The following DNAH3 variants were observed in gnomAD, a reference collection of about 807,000 sequenced individuals.
DNAH3 encodes the protein dynein axonemal heavy chain 3, also known as axonemal beta dynein heavy chain 3.
DNAH3 carries 332 observed loss-of-function variants against 432.5 expected under a neutral mutation model. The observed-to-expected ratio is 0.77, with a 90% confidence interval of 0.70 to 0.84. The LOEUF is 0.84. Ranked by LOEUF, DNAH3 falls within the 40% of genes least tolerant of loss-of-function variation. The pLI is 0.00. For synonymous variants in DNAH3, 1,956 were observed against 1,900.2 expected (o/e 1.03, Z -0.76); for missense variants, 4,861 against 5,114.0 (o/e 0.95, Z 1.51).
chr16:21,007,366 T>A (rs2087359664), intron 41 of DNAH3, among the ~76,000 whole-genome samples: 1 of 151,770 alleles, frequency 6.6e-6, no homozygotes, highest in Non-Finnish European at 1.5e-5. Flanking sequence ...GCACGCACCA[T>A]CATGCTTAGC....
At position 21,069,431 on chromosome 16, in the gene DNAH3, G is replaced by C. The variant is rs781175293; in HGVS notation, c.3365C>G (p.Ser1122Ter). 6.2e-7 allele frequency: 1 copy of C among 1,614,026 alleles called. No homozygotes were observed. Among genetic ancestry groups the C allele is most frequent in the South Asian group, 1.1e-5 (1 of 91,044 alleles). ...AAAACTTACCGCTTGGGACATAAGT[G>C]ATTTCCAGTAACTATCAACAATGCC... The change falls in exon 23 of 62, where the codon TCA becomes TGA. Residue 1122 changes from serine to a stop codon, truncating the protein, a stop_gained. Transcript: ENST00000261383. LOFTEE classifies it high-confidence loss of function.
chr16:21,144,242 A>C (rs2092754711), intron 3 of DNAH3, among the ~76,000 whole-genome samples: 1 of 152,182 alleles, frequency 6.6e-6, no homozygotes, highest in Admixed American at 6.5e-5. Context: ...AGTGACTCCT[A>C]ACAAATAGAA....
intron 52 of DNAH3, among the ~76,000 whole-genome samples, chr16:20,965,749 G>A (rs2085026819): frequency 6.6e-6 from 1 of 152,152 alleles, no homozygotes; most frequent in African/African-American, 2.4e-5. Flanking sequence ...GTCTTGCACT[G>A]TCAGCCAGGC....
At chr16:21,053,386 G>A (rs146597090) in intron 28 of DNAH3, among the ~76,000 whole-genome samples, 2 of 152,280 alleles carry the variant, frequency 1.3e-5, no homozygotes, top group Non-Finnish European at 2.9e-5. Context: ...GGATCCAAGA[G>A]GAAAGCGAAT....
At chr16:21,011,276 C>T (rs1312990095) in intron 41 of DNAH3, among the ~76,000 whole-genome samples, 2 of 152,082 alleles carry the variant, frequency 1.3e-5, no homozygotes, top group Admixed American at 6.6e-5. Context: ...CATGTGGAGC[C>T]TGTGAAAAAA....
rs768238729 is a variant in DNAH3, at chr16:20,964,361, G to A, written c.9523C>T (p.Arg3175Cys). 106 of 1,613,994 alleles carry A rather than the reference G, an allele frequency of 6.6e-5. No homozygotes were observed. The highest frequency in any genetic ancestry group is 8.8e-5 in the Non-Finnish European group (104 of 1,180,030). Residue 3175 changes from arginine to cysteine, a missense_variant, in exon 53 of 62, where the codon CGT (arginine) becomes TGT (cysteine). Arg to Cys is a radical substitution (Grantham distance 180, BLOSUM62 -3). Transcript: ENST00000261383. The stretch of plus-strand genomic sequence containing the variant: ...GGGAGGTAATGTGGATTCCTCAAAC[G>A]GGTTGTGATGTATAACTTAAAATCC...
intron 12 of DNAH3, 48 bp downstream of exon 12, chr16:21,117,155 A>C: frequency 7.5e-7 from 1 of 1,341,920 alleles, no homozygotes; most frequent in Non-Finnish European, 1.0e-6. Flanking sequence ...AGAACACCAA[A>C]TCAATCCCAA....
intron 9 of DNAH3, among the ~76,000 whole-genome samples, chr16:21,123,043 C>G (rs2092377110): frequency 6.6e-6 from 1 of 152,090 alleles, no homozygotes; most frequent in African/African-American, 2.4e-5. Context: ...GTCTGATCAC[C>G]TCTCTCCTCC....
chr16:21,152,558 G>A (rs2092864647), intron 1 of DNAH3, among the ~76,000 whole-genome samples: 1 of 152,266 alleles, frequency 6.6e-6, no homozygotes, highest in Non-Finnish European at 1.5e-5. Context: ...GCTGGGCAAG[G>A]CCGAAGCCGG....
intron 38 of DNAH3, among the ~76,000 whole-genome samples, chr16:21,025,639 T>C (rs1223898462): frequency 6.6e-6 from 1 of 151,816 alleles, no homozygotes; most frequent in Non-Finnish European, 1.5e-5. Flanking sequence ...ATTTATATAG[T>C]TGCATGTCAG....
intron 21 of DNAH3, among the ~76,000 whole-genome samples, chr16:21,074,564 A>C (rs2545888): frequency 0.22 from 33,246 of 151,822 alleles, 3,859 homozygotes; most frequent in East Asian, 0.46. Context: ...AAATATAAAA[A>C]TTAGCTGGGC....
rs192842966 is a variant in DNAH3 at position 21,069,727 on chromosome 16, T to A, written c.3202-133A>T. 2.0e-5 allele frequency: 15 copies of A among 766,092 alleles called. No individual in the cohort carries two copies. In the East Asian group the frequency reaches 4.0e-4, roughly 21 times the overall value. 47.5% of individuals were successfully genotyped at this position (766,092 alleles called of 1,614,324 possible). A position where few individuals can be genotyped will look rare whatever the true frequency, so the allele number is the denominator to read the frequency against. On this transcript the variant is annotated intron_variant, in intron 22 of 61. Transcript: ENST00000261383. ...TGTCACTTGTTTAACAAATACTTAT[T>A]GAGGGCTCCCTATGCTCTGGTCACT...
chr16:21,090,698 T>C lies in DNAH3; in HGVS notation c.2666-3638A>G, dbSNP rs147066844. The stretch of plus-strand genomic sequence containing the variant: ...GCAGAATCTAAAAATGTCAATTTCA[T>C]AGAAACAGAGAGTAGAAAGGCAGTT... On this transcript the variant is annotated intron_variant, in intron 18 of 61. Coordinates refer to ENST00000261383, the Ensembl canonical transcript of DNAH3. Among the ~76,000 whole-genome samples, 193 of 152,120 alleles carry C rather than the reference T, an allele frequency of 1.3e-3. 1 individual carries two copies. The highest frequency in any genetic ancestry group is 4.4e-3 in the African/African-American group (184 of 41,506).
chr16:21,032,853 G>A (rs1176512827), intron 36 of DNAH3, among the ~76,000 whole-genome samples: 2 of 152,078 alleles, frequency 1.3e-5, no homozygotes, highest in African/African-American at 4.8e-5. Context: ...GGCAAACACA[G>A]TGGTAGCCTC....
At chr16:21,125,002 C>T (rs73548259) in intron 9 of DNAH3, among the ~76,000 whole-genome samples, 173 bp downstream of exon 10, 3,364 of 152,178 alleles carry the variant, frequency 0.022, 120 homozygotes, top group African/African-American at 0.076. Context: ...TATCCTTCTT[C>T]CAGCTAAAAG....
chr16:20,978,264 C>G (rs896434486), intron 50 of DNAH3, among the ~76,000 whole-genome samples: 3 of 152,192 alleles, frequency 2.0e-5, no homozygotes, highest in African/African-American at 7.2e-5. Context: ...GCGGGTGGCT[C>G]ATGCCTGTAA....
intron 59 of DNAH3, among the ~76,000 whole-genome samples, chr16:20,939,683 C>T (rs913329695): frequency 1.3e-5 from 2 of 151,908 alleles, no homozygotes; most frequent in African/African-American, 4.8e-5. Context: ...CTCCTCCAGT[C>T]CCCTGGTCCT....
rs530269171 is a variant in DNAH3 at position 21,115,334 on chromosome 16, A to C, written c.1814+1869T>G. On this transcript the variant is annotated intron_variant, in intron 12 of 61. Coordinates refer to ENST00000261383, the Ensembl canonical transcript of DNAH3. ...TGCAGCACACCAACATGACACATGT[A>C]TACATATGTAACAAACCTGCACGTT... Among the ~76,000 whole-genome samples the C allele has an allele frequency of 3.9e-5, 6 of 151,904 alleles. No individual in the cohort carries two copies. The East Asian group carries it at 1.2e-3, about 29-fold the overall frequency.
At chr16:20,997,724 C>T (rs1485537954) in intron 43 of DNAH3, among the ~76,000 whole-genome samples, 4 of 151,334 alleles carry the variant, frequency 2.6e-5, no homozygotes, top group African/African-American at 9.7e-5. Flanking sequence ...CTTGGCCGGG[C>T]ATGGTGGCTC....
Sources: allele counts gnomAD v4.1 joint callset (sites outside exome capture counted in the v4.1 genomes callset), GRCh38; gene constraint gnomAD v4.1.1; transcripts MANE v1.5; gene names NCBI Gene and HGNC (gene_info 2026-07-23, HGNC 2026-07-21).